Variants in EPHB1 observed in about 807,000 individuals in gnomAD.
EPHB1 encodes the protein ephrin type-B receptor 1.
A neutral mutation model predicts 94.4 loss-of-function variants in EPHB1; 30 were observed. The observed-to-expected ratio is 0.32, with a 90% CI of 0.24 to 0.43. The LOEUF (loss-of-function observed/expected upper bound fraction) is 0.43, where lower values mean the gene tolerates loss of function less well. EPHB1 is among the 20% of genes least tolerant of loss of function. The pLI is 1.00. For synonymous variants in EPHB1, 522 were observed against 489.1 expected, an observed-to-expected ratio of 1.07 and a Z score of -0.89; for missense variants, 1,055 against 1,308.3, an observed-to-expected ratio of 0.81 and a Z score of 2.99.
At chr3:134,853,637 C>T (rs559612589) in intron 1 of EPHB1, among the ~76,000 whole-genome samples, 2 of 152,148 alleles carry the variant, frequency 1.3e-5, no homozygotes, top group Admixed American at 6.5e-5. Flanking sequence ...ATCTGGAGCT[C>T]GGAGGAGAGG....
intron 2 of EPHB1, among the ~76,000 whole-genome samples, chr3:134,943,466 G>A (rs2039159350): frequency 6.6e-6 from 1 of 152,190 alleles, no homozygotes; most frequent in Admixed American, 6.5e-5. Flanking sequence ...AGGCCAGATG[G>A]GGGGATATGG....
At chr3:135,042,698 G>A (rs1559806904) in intron 3 of EPHB1, among the ~76,000 whole-genome samples, 2 of 152,074 alleles carry the variant, frequency 1.3e-5, no homozygotes, top group African/African-American at 4.8e-5. Context: ...TTGCACTGAG[G>A]TTGGTGACTC....
chr3:135,176,986 C>G (rs6799471), intron 9 of EPHB1, among the ~76,000 whole-genome samples: 2 of 151,872 alleles, frequency 1.3e-5, no homozygotes, highest in African/African-American at 4.8e-5. Flanking sequence ...CGCTTGCTTC[C>G]TCTTCCTACC....
chr3:135,089,698 A>G (rs1029397451), intron 3 of EPHB1, among the ~76,000 whole-genome samples: 4 of 152,170 alleles, frequency 2.6e-5, no homozygotes, highest in African/African-American at 9.6e-5. Context: ...TGTCGTGTTC[A>G]CCTGTCCAGC....
At chr3:134,888,596 T>A (rs1348421887) in intron 1 of EPHB1, among the ~76,000 whole-genome samples, 1 of 150,996 alleles carries the variant, frequency 6.6e-6, no homozygotes, top group East Asian at 2.0e-4. Flanking sequence ...TAAGCCCAGC[T>A]ACTGGGGAGG....
At chr3:134,937,668 C>T (rs971828585) in intron 2 of EPHB1, among the ~76,000 whole-genome samples, 3 of 152,220 alleles carry the variant, frequency 2.0e-5, no homozygotes, top group African/African-American at 7.2e-5. Context: ...ATCAGTCTCT[C>T]CCAGGGGTGA....
intron 3 of EPHB1, among the ~76,000 whole-genome samples, chr3:134,979,819 CAA>C (rs953483958): frequency 6.6e-6 from 1 of 151,490 alleles, no homozygotes; most frequent in Non-Finnish European, 1.5e-5. Context: ...AAAATGGAAA[CAA>C]GAGTGCTTGA....
intron 5 of EPHB1, among the ~76,000 whole-genome samples, chr3:135,146,250 A>G (rs1366398652): frequency 6.6e-6 from 1 of 152,220 alleles, no homozygotes; most frequent in African/African-American, 2.4e-5. Context: ...CCCACAGGGA[A>G]TGGAATTAGG....
At chr3:135,104,068 CA>C (rs947332014) in intron 3 of EPHB1, among the ~76,000 whole-genome samples, 1 of 152,200 alleles carries the variant, frequency 6.6e-6, no homozygotes, top group Non-Finnish European at 1.5e-5. Context: ...TACAGCATGG[CA>C]GGGGCCAAAT....
intron 12 of EPHB1, among the ~76,000 whole-genome samples, chr3:135,222,123 T>C (rs906719603): frequency 8.2e-5 from 11 of 133,990 alleles, no homozygotes; most frequent in Non-Finnish European, 1.2e-4. Flanking sequence ...ATTATTGTAG[T>C]AACCTAAGTG....
At chr3:135,232,123 GA>G (rs1163835255) in intron 12 of EPHB1, among the ~76,000 whole-genome samples, 1 of 152,196 alleles carries the variant, frequency 6.6e-6, no homozygotes, top group Non-Finnish European at 1.5e-5. Flanking sequence ...CTCAGAGCAA[GA>G]TAACCTTTTA....
chr3:134,914,215 A>G (rs1324196336), intron 1 of EPHB1, among the ~76,000 whole-genome samples: 1 of 152,184 alleles, frequency 6.6e-6, no homozygotes, highest in Non-Finnish European at 1.5e-5. Flanking sequence ...GGATGTAGGT[A>G]AGAGACTTGG....
intron 1 of EPHB1, among the ~76,000 whole-genome samples, chr3:134,875,727 C>T (rs184462774): frequency 1.3e-5 from 2 of 152,264 alleles, no homozygotes; most frequent in African/African-American, 4.8e-5. Flanking sequence ...ATTGTGTTTA[C>T]CTATTTTTAT....
rs78452339 is a variant in EPHB1, at chr3:135,166,177, G to A, written c.1694+101G>A. Reference sequence around the variant, plus strand: ...GATCAGATAGGGTGTGACCATTCACGACCACAATCATCACTCCATCTCAAT... The same window carrying A: ...GATCAGATAGGGTGTGACCATTCACAACCACAATCATCACTCCATCTCAAT... On this transcript the variant is annotated intron_variant, in intron 8 of 15. Transcript: ENST00000398015. The A allele has an allele frequency of 5.8e-4, 456 of 781,694 alleles. 1 individual carries two copies. In the African/African-American group the frequency reaches 6.9e-3, roughly 12 times the overall value. 48.4% of individuals were successfully genotyped at this position (781,694 alleles called of 1,614,324 possible).
chr3:135,076,234 G>GATATATATATATATATATATATATATAT (rs60727518), intron 3 of EPHB1, among the ~76,000 whole-genome samples: 1 of 131,172 alleles, frequency 7.6e-6, no homozygotes, highest in African/African-American at 3.7e-5. Context: ...TCTGAAAAGG[G>GATATATATATATATATATATATATATAT]ATATATATAT....
At chr3:135,125,160 G>A (rs775997900) in intron 4 of EPHB1, among the ~76,000 whole-genome samples, 12 of 151,548 alleles carry the variant, frequency 7.9e-5, no homozygotes, top group Non-Finnish European at 1.3e-4. Flanking sequence ...TTACCAGTCT[G>A]TCCACTTTGG....
rs756335477 is a variant in EPHB1, at chr3:134,795,706, G to C, written c.58+17G>C. ...CGATGGAAGGTAACGTACCCTCCAC[G>C]GAGCAAGTTGGCTGCTGGTGCCGGC... On this transcript the variant is annotated intron_variant, in intron 1 of 15. Transcript: ENST00000398015. 1 of 1,607,890 alleles carries C rather than the reference G, an allele frequency of 6.2e-7. No individual in the cohort carries two copies. The highest frequency in any genetic ancestry group is 1.1e-5 in the South Asian group (1 of 90,442).
rs1272583346 is a variant in EPHB1, at chr3:134,932,502, G to A, written c.123+6622G>A. ...AGACCTTTATGGAGAAGCAGTTAAG[G>A]CCTCAGGTCCTGGCATCAAATAAAC... On this transcript the variant is annotated intron_variant, in intron 2 of 15. Transcript: ENST00000398015. Among the ~76,000 whole-genome samples, 9 of 152,232 alleles carry A rather than the reference G, an allele frequency of 5.9e-5. No individual in the cohort carries two copies. In the East Asian group the frequency reaches 1.7e-3, roughly 29 times the overall value.
chr3:135,117,961 G>T (rs1365247047), intron 4 of EPHB1, among the ~76,000 whole-genome samples: 1 of 152,136 alleles, frequency 6.6e-6, no homozygotes, highest in East Asian at 1.9e-4. Flanking sequence ...TGGGGTGGGG[G>T]GCAATGGTCA....
Sources: allele counts gnomAD v4.1 joint callset (sites outside exome capture counted in the v4.1 genomes callset), GRCh38; gene constraint gnomAD v4.1.1; transcripts MANE v1.5; gene names NCBI Gene and HGNC (gene_info 2026-07-23, HGNC 2026-07-21).